ASB2: variants seen among roughly 807,000 people sequenced by gnomAD.
The protein encoded by ASB2 is ankyrin repeat and SOCS box containing 2.
ASB2 carries 58 observed loss-of-function variants against 62.4 expected under a neutral mutation model. That is an observed-to-expected ratio of 0.93 (90% CI 0.75 to 1.16). The LOEUF is 1.16. ASB2 is among the 50% of genes most tolerant of loss of function. The pLI is 0.00. For synonymous variants in ASB2, 386 were observed against 385.3 expected (o/e 1.00, Z -0.02); for missense variants, 928 against 887.9 (o/e 1.05, Z -0.57).
At chr14:93,976,279 G>C (rs934245754) in intron 1 of ASB2, among the ~76,000 whole-genome samples, 155 bp downstream of exon 1, 1 of 152,174 alleles carries the variant, frequency 6.6e-6, no homozygotes, top group Non-Finnish European at 1.5e-5. Context: ...AAAGTCACCA[G>C]CGTGCTGTAT....
At chr14:93,937,964 G>A in intron 8 of ASB2, 113 bp from the exon 9 acceptor site, 1 of 1,149,066 alleles carries the variant, frequency 8.7e-7, no homozygotes, top group East Asian at 2.6e-5. Flanking sequence ...ACCCAGGCTA[G>A]GATCCCCTGA....
At chr14:93,938,167 C>T (rs1298554439) in intron 8 of ASB2, among the ~76,000 whole-genome samples, 1 of 150,634 alleles carries the variant, frequency 6.6e-6, no homozygotes, top group Non-Finnish European at 1.5e-5. Flanking sequence ...CATGAATGAT[C>T]GCCATTAACC....
At chr14:93,965,208 A>G (rs1889551297) in intron 1 of ASB2, among the ~76,000 whole-genome samples, 1 of 152,204 alleles carries the variant, frequency 6.6e-6, no homozygotes, top group African/African-American at 2.4e-5. Context: ...TAACCTATCT[A>G]TCCATGTATT....
At chr14:93,971,076 C>T (rs1369683031) in intron 1 of ASB2, among the ~76,000 whole-genome samples, 2 of 152,216 alleles carry the variant, frequency 1.3e-5, no homozygotes, top group Non-Finnish European at 2.9e-5. Flanking sequence ...CTCTAGGAGG[C>T]TCCATCCAAG....
intron 2 of ASB2, among the ~76,000 whole-genome samples, chr14:93,961,618 G>A (rs1429644289): frequency 6.6e-6 from 1 of 152,252 alleles, no homozygotes; most frequent in Non-Finnish European, 1.5e-5. Context: ...TCTCAGACCT[G>A]AAGATGAGAA....
chr14:93,954,139 G>T, intron 4 of ASB2, 178 bp downstream of exon 4: 1 of 606,512 alleles, frequency 1.6e-6, no homozygotes, highest in Non-Finnish European at 2.9e-6. Context: ...GGCAGCAGGG[G>T]GTGGGGACAA....
chr14:93,970,730 G>T (rs561029627), intron 1 of ASB2, among the ~76,000 whole-genome samples: 4 of 152,098 alleles, frequency 2.6e-5, no homozygotes, highest in Non-Finnish European at 4.4e-5. Flanking sequence ...ACGGTGGCAC[G>T]GCCCGAGTGC....
chr14:93,937,890 C>T (rs1013494497), intron 8 of ASB2, 39 bp from the exon 9 acceptor site: 2 of 1,565,618 alleles, frequency 1.3e-6, no homozygotes, highest in East Asian at 2.3e-5. Context: ...GTGAGTTCAT[C>T]CCACCTGCAA....
Position 93,948,935 on chromosome 14 carries a change from G to C in ASB2, c.881-1415C>G, listed in dbSNP as rs146760227. 1.4e-4 allele frequency among the ~76,000 whole-genome samples: 22 copies of C among 152,310 alleles called. No homozygotes were observed. The East Asian group carries it at 3.7e-3, about 25-fold the overall frequency. Reference sequence around the variant, plus strand: ...AGCCTGGACAACAAAGTGAGACCCTGTTCCCAAAACAAAAACAAAACAAAA... The same window carrying C: ...AGCCTGGACAACAAAGTGAGACCCTCTTCCCAAAACAAAAACAAAACAAAA... On this transcript the variant is annotated intron_variant, in intron 6 of 9. Transcript: ENST00000555019.
rs1888192443 is a variant in ASB2 at position 93,934,280 on chromosome 14, GAAGTC to G, written c.*371_*375del. 4.3e-6 allele frequency: 2 copies of G among 461,030 alleles called. No homozygotes were observed. The highest frequency in any genetic ancestry group is 8.6e-6 in the Non-Finnish European group (2 of 232,346). The allele number at this position is 461,030 out of a possible 1,614,324, so 28.6% of individuals were successfully genotyped here. A position where few individuals can be genotyped will look rare whatever the true frequency, so the allele number is the denominator to read the frequency against. On this transcript the variant is annotated 3_prime_UTR_variant, in exon 10 of 10. Transcript: ENST00000555019. The stretch of plus-strand genomic sequence containing the variant: ...TCTTAGTCTTTGGAGAGAAAGCTCT[GAAGTC>G]AAGTGGTGAGTTTTCCAGAACAAGT...
chr14:93,939,138 G>T lies in ASB2; in HGVS notation c.1587C>A (p.Pro529=). The T allele has an allele frequency of 6.4e-7, 1 of 1,550,920 alleles. No homozygotes were observed. The highest frequency in any genetic ancestry group is 1.4e-5 in the African/African-American group (1 of 73,256). Residue 529 remains proline (P), a synonymous_variant, in exon 8 of 10, where the codon CCC becomes CCA. Transcript: ENST00000555019. The stretch of plus-strand genomic sequence containing the variant: ...CCACGCTGGGCTCCTTGTCGGCCGC[G>T]GGCGCGTCGTTGAACCTGCTGGAGG... ...PQPSSRFNDA[P]AADKEPSVVQ...
chr14:93,944,152 G>A (rs1232018735), intron 7 of ASB2: 1 of 370,708 alleles, frequency 2.7e-6, no homozygotes, highest in Non-Finnish European at 5.3e-6. Context: ...TCGTCAGGTG[G>A]GGCCCAGGCA....
chr14:93,954,009 A>T (rs1889076525), intron 4 of ASB2, among the ~76,000 whole-genome samples: 1 of 152,048 alleles, frequency 6.6e-6, no homozygotes. Flanking sequence ...AGTATTTTTC[A>T]CACCAAATCA....
At chr14:93,965,227 C>T (rs1239898722) in intron 1 of ASB2, among the ~76,000 whole-genome samples, 1 of 152,224 alleles carries the variant, frequency 6.6e-6, no homozygotes, top group African/African-American at 2.4e-5. Flanking sequence ...TTTATGCTCA[C>T]TTGTTGAGCA....
At position 93,934,571 on chromosome 14, in the gene ASB2, G is replaced by C. The variant is rs1888200906; in HGVS notation, c.*85C>G. 7.0e-7 allele frequency: 1 copy of C among 1,426,318 alleles called. No homozygotes were observed. The highest frequency in any genetic ancestry group is 2.3e-5 in the East Asian group (1 of 43,734). The allele number at this position is 1,426,318 out of a possible 1,614,324, so 88.4% of individuals were successfully genotyped here. A position where few individuals can be genotyped will look rare whatever the true frequency, so the allele number is the denominator to read the frequency against. On this transcript the variant is annotated 3_prime_UTR_variant, in exon 10 of 10. Coordinates refer to ENST00000555019, the MANE Select transcript of ASB2 (RefSeq NM_001202429.2). ...CAGCCTGCAGCCTCGTCTGTCACCA[G>C]GTCCCCTTGGAGTTGGGAACACCGA...
chr14:93,966,781 G>T (rs551831876), intron 1 of ASB2, among the ~76,000 whole-genome samples: 56 of 152,108 alleles, frequency 3.7e-4, no homozygotes, highest in Admixed American at 7.2e-4. Flanking sequence ...ACCTGGTTCA[G>T]CCCTGAATCA....
intron 9 of ASB2, among the ~76,000 whole-genome samples, chr14:93,935,105 G>A (rs1168720875): frequency 1.3e-5 from 2 of 152,204 alleles, no homozygotes; most frequent in Admixed American, 6.5e-5. Context: ...ACTAGTGGTG[G>A]TGTCTCCCTC....
At chr14:93,956,945 GAA>G (rs1258121526) in intron 2 of ASB2, 75 bp from the exon 3 acceptor site, 1 of 1,599,956 alleles carries the variant, frequency 6.3e-7, no homozygotes, top group Admixed American at 1.7e-5. Flanking sequence ...CTTCAGGCAG[GAA>G]TGAGGATGGA....
At position 93,947,471 on chromosome 14, in the gene ASB2, C is replaced by T. The variant is rs957663649; in HGVS notation, c.930G>A (p.Glu310=). Residue 310 remains glutamate (E), a synonymous_variant, in exon 7 of 10, where the codon GAG becomes GAA. Coordinates refer to ENST00000555019, the MANE Select transcript of ASB2 (RefSeq NM_001202429.2). ...QASDNASALY[E]ACKNEHEEVV... is the part of the protein sequence containing the mutation. The stretch of plus-strand genomic sequence containing the variant: ...CCTCCTCATGCTCATTCTTGCAGGC[C>T]TCGTAGAGGGCAGACGCGTTGTCGC... 2 of 1,614,232 alleles carry T rather than the reference C, an allele frequency of 1.2e-6. No individual in the cohort carries two copies. The highest frequency in any genetic ancestry group is 1.7e-6 in the Non-Finnish European group (2 of 1,180,056).
Sources: gnomAD v4.1 joint callset for allele counts (sites outside exome capture counted in the v4.1 genomes callset) on GRCh38, gnomAD v4.1.1 for gene constraint, MANE v1.5 for transcripts, NCBI Gene and HGNC (gene_info 2026-07-23, HGNC 2026-07-21) for gene names.